Variants in LMO1 observed in about 807,000 individuals in gnomAD.
LMO1 encodes LIM domain only 1.
A neutral mutation model predicts 18.0 loss-of-function variants in LMO1; 10 were observed. That is an observed-to-expected ratio of 0.55 (90% confidence interval 0.34 to 0.94). The LOEUF (loss-of-function observed/expected upper bound fraction) is 0.94. Among genes scored for constraint, LMO1 ranks in the 40% least tolerant of loss-of-function variants. The probability of loss-of-function intolerance (pLI) is 0.02; values close to 1 mark genes in which losing one functional copy is unlikely to be tolerated. For missense variants in LMO1, 183 were observed against 205.7 expected (o/e 0.89, Z 0.68); for synonymous variants, 77 against 77.9 (o/e 0.99, Z 0.06).
intron 1 of LMO1, among the ~76,000 whole-genome samples, chr11:8,253,847 C>A (rs987449602): frequency 1.3e-5 from 2 of 152,026 alleles, no homozygotes; most frequent in Non-Finnish European, 2.9e-5. Flanking sequence ...CCACTCCCGC[C>A]ACACAATATT....
At chr11:8,233,244 G>A (rs1952701421) in intron 1 of LMO1, among the ~76,000 whole-genome samples, 1 of 152,130 alleles carries the variant, frequency 6.6e-6, no homozygotes, top group Admixed American at 6.5e-5. Flanking sequence ...AGGCCCCAGA[G>A]CATCTAGAGA....
chr11:8,231,842 G>A (rs1483492870), intron 1 of LMO1, among the ~76,000 whole-genome samples: 1 of 152,132 alleles, frequency 6.6e-6, no homozygotes, highest in African/African-American at 2.4e-5. Context: ...TGGTTGGGCT[G>A]CTTCCCTTCC....
At chr11:8,224,920 C>T (rs554783983) in intron 3 of LMO1, among the ~76,000 whole-genome samples, 199 bp from the exon 4 acceptor site, 7 of 152,270 alleles carry the variant, frequency 4.6e-5, no homozygotes, top group Non-Finnish European at 8.8e-5. Flanking sequence ...CAGCCCCAAC[C>T]TTGGCCAGGC....
chr11:8,224,614 C>A lies in LMO1; in HGVS notation c.*2G>T. The A allele has an allele frequency of 6.3e-7, 1 of 1,586,176 alleles. No individual in the cohort carries two copies. The highest frequency in any genetic ancestry group is 8.6e-7 in the Non-Finnish European group (1 of 1,161,424). ...ACGGGCCTGGAGGCCAGGCGCCGGG[C>A]GTTACTGAACTTGGGATTCAAAGGT... On this transcript the variant is annotated 3_prime_UTR_variant, in exon 4 of 4. Transcript: ENST00000335790.
chr11:8,268,489 A>G, upstream of LMO1: 1 of 1,381,162 alleles, frequency 7.2e-7, no homozygotes, highest in Non-Finnish European at 9.4e-7. Flanking sequence ...GAGGATACGG[A>G]GGGGCGCGTG....
intron 1 of LMO1, among the ~76,000 whole-genome samples, chr11:8,247,292 G>A (rs961866984): frequency 2.6e-5 from 4 of 152,134 alleles, no homozygotes; most frequent in African/African-American, 9.7e-5. Context: ...GTTGGGTAAG[G>A]GATGCTGCCC....
intron 3 of LMO1, 37 bp from the exon 4 acceptor site, chr11:8,224,758 G>C (rs771079997): frequency 7.2e-7 from 1 of 1,382,540 alleles, no homozygotes; most frequent in Non-Finnish European, 1.0e-6. Flanking sequence ...GCCATGGGAA[G>C]GTCCCAGTGG....
chr11:8,230,607 C>A, intron 1 of LMO1, 103 bp from the exon 2 acceptor site: 1 of 1,247,548 alleles, frequency 8.0e-7, no homozygotes. Flanking sequence ...TCTCTGCTGC[C>A]CCCTCTAGGT....
chr11:8,236,777 C>G (rs897567375), intron 1 of LMO1, among the ~76,000 whole-genome samples: 1 of 152,166 alleles, frequency 6.6e-6, no homozygotes, highest in African/African-American at 2.4e-5. Context: ...TATTTCAGTA[C>G]CCAGCACAGC....
intron 1 of LMO1, among the ~76,000 whole-genome samples, chr11:8,231,552 C>G (rs931669436): frequency 6.6e-6 from 1 of 152,232 alleles, no homozygotes. Context: ...AGAAGCCCTG[C>G]TCTGTGACTT....
chr11:8,237,362 G>A (rs184760471), intron 1 of LMO1, among the ~76,000 whole-genome samples: 77 of 152,262 alleles, frequency 5.1e-4, no homozygotes, highest in African/African-American at 1.6e-3. Flanking sequence ...TTTAAATCTC[G>A]TTTTCTCAGA....
Position 8,248,611 on chromosome 11 carries a change from G to C in LMO1, c.25+14727C>G, listed in dbSNP as rs533079078. Among the ~76,000 whole-genome samples, 11 of 152,378 alleles carry C rather than the reference G, an allele frequency of 7.2e-5. No homozygotes were observed. In the South Asian group the frequency reaches 1.2e-3, roughly 17 times the overall value. ...GACTGATCTTAGTTGAATATAACTG[G>C]GGGTGGACTGGAGTAGAAATAGGTA... On this transcript the variant is annotated intron_variant, in intron 1 of 3. Transcript: ENST00000335790.
At chr11:8,258,133 A>G (rs1847127963) in intron 1 of LMO1, among the ~76,000 whole-genome samples, 1 of 152,222 alleles carries the variant, frequency 6.6e-6, no homozygotes, top group South Asian at 2.1e-4. Context: ...GCTTAGTGCA[A>G]TGATAGAGGT....
At chr11:8,243,270 C>T (rs1050581912) in intron 1 of LMO1, among the ~76,000 whole-genome samples, 5 of 152,224 alleles carry the variant, frequency 3.3e-5, no homozygotes, top group Non-Finnish European at 7.3e-5. Flanking sequence ...CCACGTGAGC[C>T]AGATTTCCCT....
At chr11:8,249,057 G>T (rs575299425) in intron 1 of LMO1, among the ~76,000 whole-genome samples, 8 of 152,374 alleles carry the variant, frequency 5.3e-5, no homozygotes, top group Middle Eastern at 3.4e-3. Context: ...CTCAACTCCA[G>T]CTCTGGCCAC....
At chr11:8,255,277 C>T (rs963489339) in intron 1 of LMO1, among the ~76,000 whole-genome samples, 1 of 152,176 alleles carries the variant, frequency 6.6e-6, no homozygotes, top group African/African-American at 2.4e-5. Context: ...GAGGCTGAGG[C>T]AGGTGGATCG....
intron 1 of LMO1, among the ~76,000 whole-genome samples, chr11:8,262,258 C>T (rs1265507342): frequency 6.6e-6 from 1 of 152,236 alleles, no homozygotes; most frequent in Non-Finnish European, 1.5e-5. Flanking sequence ...CTTTCGGTAC[C>T]TCACCAATGG....
intron 1 of LMO1, among the ~76,000 whole-genome samples, chr11:8,244,803 T>C (rs1016588404): frequency 6.6e-6 from 1 of 152,156 alleles, no homozygotes; most frequent in East Asian, 1.9e-4. Context: ...AAACCCCTCA[T>C]GGTTTTCAGC....
intron 1 of LMO1, among the ~76,000 whole-genome samples, chr11:8,262,836 C>T (rs940957818): frequency 6.6e-6 from 1 of 152,206 alleles, no homozygotes; most frequent in Admixed American, 6.5e-5. Flanking sequence ...GGCGCTCGCG[C>T]CGTCCTCCCG....
Sources: gnomAD v4.1 joint callset for allele counts (sites outside exome capture counted in the v4.1 genomes callset) on GRCh38, gnomAD v4.1.1 for gene constraint, MANE v1.5 for transcripts, NCBI Gene and HGNC (gene_info 2026-07-23, HGNC 2026-07-21) for gene names.